CYP4F11: variants seen among roughly 807,000 people sequenced by gnomAD.
CYP4F11 encodes the protein cytochrome P450 family 4 subfamily F member 11, also known as cytochrome P450 4F11.
Under a neutral mutation model 62.2 loss-of-function variants are expected in CYP4F11, and 79 were observed. The ratio of observed to expected loss-of-function variants is 1.27; its 90% CI spans 1.06 to 1.53. The LOEUF is 1.53. CYP4F11 is among the 40% of genes most tolerant of loss of function. CYP4F11 has a pLI of 0.00. For synonymous variants in CYP4F11, 290 were observed against 263.7 expected, an observed-to-expected ratio of 1.10 and a Z score of -0.97; for missense variants, 777 against 680.5, an observed-to-expected ratio of 1.14 and a Z score of -1.58.
intron 8 of CYP4F11, among the ~76,000 whole-genome samples, chr19:15,921,569 A>G (rs1478034348): frequency 1.3e-5 from 2 of 152,246 alleles, no homozygotes; most frequent in Admixed American, 6.5e-5. Flanking sequence ...ATAGGAATAC[A>G]GTGTAGGAGC....
chr19:15,923,712 A>G (rs2089646574), intron 6 of CYP4F11, 100 bp downstream of exon 6: 19 of 1,474,926 alleles, frequency 1.3e-5, no homozygotes, highest in Admixed American at 6.4e-5. Context: ...AGCATGTTCC[A>G]TGGCTCCCAG....
rs1372878583 is a variant in CYP4F11 at position 15,927,311 on chromosome 19, G to C, written c.426C>G (p.Asp142Glu). The change falls in exon 4 of 12, where the codon GAC becomes GAG. Residue 142 changes from aspartate (D) to glutamate (E), a missense_variant. Transcript: ENST00000402119. ...LGDGLLLSGG[D>E]KWSRHRRMLT... ...ACATCCGACGGTGGCGGCTCCACTT[G>C]TCACCACCACTCAGCAGGAGCCCAT... 1 of 1,614,102 alleles carries C rather than the reference G, an allele frequency of 6.2e-7. No individual in the cohort carries two copies.
chr19:15,912,680 A>AAAAAAAAAAAAT lies in CYP4F11; in HGVS notation c.*1051_*1052insATTTTTTTTTTT, dbSNP rs59091525. On this transcript the variant is annotated 3_prime_UTR_variant, in exon 12 of 12. Transcript: ENST00000402119. ...TCACCATCCTCAGGAAAAAAAAAAAAATATATATATATATATATGTGTGTG... is the reference window on the plus strand; with the variant it reads ...TCACCATCCTCAGGAAAAAAAAAAAAAAAAAAAAAAATATATATATATATATATATGTGTGTG... The AAAAAAAAAAAAT allele has an allele frequency of 1.5e-4, 10 of 66,166 alleles. No homozygotes were observed. Among genetic ancestry groups the AAAAAAAAAAAAT allele is most frequent in the African/African-American group, 5.2e-4 (8 of 15,526 alleles). The allele number at this position is 66,166 out of a possible 1,614,324, so 4.1% of individuals were successfully genotyped here. A position where few individuals can be genotyped will look rare whatever the true frequency, so the allele number is the denominator to read the frequency against.
rs1360057888 is a variant in CYP4F11, at chr19:15,922,095, G to A, written c.1057C>T (p.Gln353Ter). 1.9e-6 allele frequency: 3 copies of A among 1,613,986 alleles called. No individual in the cohort carries two copies. Among genetic ancestry groups the A allele is most frequent in the African/African-American group, 2.7e-5 (2 of 74,924 alleles). ...HLAKHPEYQEQCRQEVQELLK... is the reference protein window; with the variant it reads ...HLAKHPEYQE ...AGCTCTTGCACTTCTTGCCGGCACT[G>A]TTCCTGGTATTCTGGGTGCTTTGCA... The change falls in exon 8 of 12, where the codon CAG becomes TAG. Residue 353 changes from glutamine to a stop codon, truncating the protein, a stop_gained. Transcript: ENST00000402119. LOFTEE classifies it high-confidence loss of function.
chr19:15,934,458 G>C lies in CYP4F11; in HGVS notation c.-50C>G. 1.9e-6 allele frequency: 3 copies of C among 1,597,106 alleles called. No individual in the cohort carries two copies. Among genetic ancestry groups the C allele is most frequent in the Non-Finnish European group, 2.6e-6 (3 of 1,173,770 alleles). On this transcript the variant is annotated 5_prime_UTR_variant, in exon 1 of 12. Coordinates refer to ENST00000402119, the MANE Select transcript of CYP4F11 (RefSeq NM_021187.4). The stretch of plus-strand genomic sequence containing the variant: ...GTGGGATCCTGAGGCCCAGGGAAGG[G>C]CCCAGGAAGCTCCAAGGACAGTGGA...
intron 8 of CYP4F11, among the ~76,000 whole-genome samples, chr19:15,918,970 G>A (rs1413012592): frequency 6.7e-6 from 1 of 149,982 alleles, no homozygotes; most frequent in Admixed American, 6.6e-5. Context: ...ACACTGTCGA[G>A]TGGCAAAAAT....
chr19:15,929,431 C>A lies in CYP4F11; in HGVS notation c.343+26G>T, dbSNP rs368493950. 8.7e-6 allele frequency: 14 copies of A among 1,613,848 alleles called. No homozygotes were observed. In the African/African-American group the frequency reaches 1.2e-4, roughly 14 times the overall value. On this transcript the variant is annotated intron_variant, in intron 2 of 11. Transcript: ENST00000402119. ...AAGGCCTTTGATGTTTCCCAGCCCC[C>A]ACTACCACAAGCTCTGCACGGGTAC...
At chr19:15,919,473 T>C (rs1177266109) in intron 8 of CYP4F11, among the ~76,000 whole-genome samples, 1 of 62,634 alleles carries the variant, frequency 1.6e-5, no homozygotes, top group South Asian at 6.8e-4. Flanking sequence ...GACAGATGTA[T>C]AGATAGATAG....
chr19:15,930,521 G>A (rs1036415013), intron 1 of CYP4F11, among the ~76,000 whole-genome samples: 13 of 152,186 alleles, frequency 8.5e-5, no homozygotes, highest in African/African-American at 3.1e-4. Context: ...GAACCTGGGA[G>A]GCGGAGGTTG....
chr19:15,919,485 T>TAGAC (rs1032944056), intron 8 of CYP4F11, among the ~76,000 whole-genome samples: 6 of 108,578 alleles, frequency 5.5e-5, no homozygotes, highest in African/African-American at 2.0e-4. Context: ...GATAGATAGA[T>TAGAC]AGATAGATAG....
chr19:15,924,820 G>C lies in CYP4F11; in HGVS notation c.588C>G (p.Ser196Arg). Residue 196 changes from serine to arginine, a missense_variant, in exon 5 of 12, where the codon AGC becomes AGG. Coordinates refer to ENST00000402119, the MANE Select transcript of CYP4F11 (RefSeq NM_021187.4). Reference protein sequence around the residue: ...SARLDMFEHISLMTLDSLQKC... With the variant: ...SARLDMFEHIRLMTLDSLQKC... The stretch of plus-strand genomic sequence containing the variant: ...TCTGCAGACTGTCCAAGGTCATGAG[G>C]CTGATGTGTTCAAACATGTCCAGTC... 6.2e-7 allele frequency: 1 copy of C among 1,613,344 alleles called. No homozygotes were observed. The highest frequency in any genetic ancestry group is 1.1e-5 in the South Asian group (1 of 91,058).
At chr19:15,926,441 C>A (rs571281655) in intron 4 of CYP4F11, among the ~76,000 whole-genome samples, 1 of 152,322 alleles carries the variant, frequency 6.6e-6, no homozygotes, top group Non-Finnish European at 1.5e-5. Flanking sequence ...ATCCTAAGCA[C>A]TTCACAAAAT....
At chr19:15,917,432 T>C (rs1281058439) in intron 8 of CYP4F11, among the ~76,000 whole-genome samples, 2 of 152,026 alleles carry the variant, frequency 1.3e-5, no homozygotes. Flanking sequence ...CTACCAGACA[T>C]TAAGACCTAT....
chr19:15,920,662 T>C (rs1299505940), intron 8 of CYP4F11, among the ~76,000 whole-genome samples: 6 of 152,188 alleles, frequency 3.9e-5, no homozygotes, highest in Non-Finnish European at 8.8e-5. Flanking sequence ...GACCTCAGAA[T>C]GTCCTTCCCT....
At chr19:15,921,698 G>C (rs915091495) in intron 8 of CYP4F11, among the ~76,000 whole-genome samples, 5 of 152,106 alleles carry the variant, frequency 3.3e-5, no homozygotes, top group African/African-American at 1.2e-4. Context: ...TTGAAATTAG[G>C]GTAAGGAAGA....
At chr19:15,920,958 TC>T (rs1244233711) in intron 8 of CYP4F11, among the ~76,000 whole-genome samples, 1 of 151,302 alleles carries the variant, frequency 6.6e-6, no homozygotes, top group Non-Finnish European at 1.5e-5. Flanking sequence ...ACCTTCTCCC[TC>T]CCCCTGCACA....
intron 1 of CYP4F11, among the ~76,000 whole-genome samples, chr19:15,931,642 GAGGAGAGGAATGAGTGAGCGA>G (rs2089724509): frequency 3.2e-5 from 2 of 62,660 alleles, no homozygotes; most frequent in Non-Finnish European, 6.0e-5. Flanking sequence ...ATGAGTGAGC[GAGGAGAGGAATGAGTGAGCGA>G]GGAGAGGAAT....
In CYP4F11 at chr19:15,928,585, T is replaced by A. The variant is rs548079384; in HGVS notation, c.343+872A>T. ...TCTTTATTTGCTTAGACCACATGAG[T>A]CTGAGTTTCCATCACTCGCAACTGA... On this transcript the variant is annotated intron_variant, in intron 2 of 11. Transcript: ENST00000402119. Among the ~76,000 whole-genome samples, 7 of 152,282 alleles carry A rather than the reference T, an allele frequency of 4.6e-5. No individual in the cohort carries two copies. In the East Asian group the frequency reaches 1.3e-3, roughly 29 times the overall value.
In CYP4F11 at chr19:15,912,733, G is replaced by GTGTA. The variant is rs1555776572; in HGVS notation, c.*998_*999insTACA. ...TGTGTGTGTGTGTGTGTGTGTGTGT[G>GTGTA]TATATGTATATATGTGTGTGTGTGT... On this transcript the variant is annotated 3_prime_UTR_variant, in exon 12 of 12. Transcript: ENST00000402119. The GTGTA allele has an allele frequency of 5.7e-5, 3 of 52,214 alleles. No homozygotes were observed. The highest frequency in any genetic ancestry group is 2.6e-4 in the African/African-American group (3 of 11,594). 3.2% of individuals were successfully genotyped at this position (52,214 alleles called of 1,614,324 possible). A position where few individuals can be genotyped will look rare whatever the true frequency, so the allele number is the denominator to read the frequency against.
Sources: allele counts gnomAD v4.1 joint callset (sites outside exome capture counted in the v4.1 genomes callset), GRCh38; gene constraint gnomAD v4.1.1; transcripts MANE v1.5; gene names NCBI Gene and HGNC (gene_info 2026-07-23, HGNC 2026-07-21).